ULK2: variants seen among roughly 807,000 people sequenced by gnomAD.
The protein encoded by ULK2 is unc-51 like autophagy activating kinase 2, also known as serine/threonine-protein kinase ULK2.
ULK2 carries 76 observed loss-of-function variants against 127.5 expected under a neutral mutation model. The ratio of observed to expected loss-of-function variants is 0.60; its 90% CI spans 0.50 to 0.72. ULK2 has a LOEUF of 0.72. Ranked by LOEUF, ULK2 falls within the 30% of genes least tolerant of loss-of-function variation. ULK2 has a pLI of 0.00. For missense variants in ULK2, 1,144 were observed against 1,295.9 expected, an observed-to-expected ratio of 0.88 and a Z score of 1.80; for synonymous variants, 452 against 461.9, an observed-to-expected ratio of 0.98 and a Z score of 0.28.
intron 10 of ULK2, among the ~76,000 whole-genome samples, chr17:19,832,798 G>A (rs1032510125): frequency 3.3e-5 from 5 of 152,060 alleles, no homozygotes; most frequent in Admixed American, 3.3e-4. Flanking sequence ...ACAATATTCC[G>A]CAGATTTCGT....
At chr17:19,794,625 T>C (rs2087225311) in intron 20 of ULK2, among the ~76,000 whole-genome samples, 1 of 152,108 alleles carries the variant, frequency 6.6e-6, no homozygotes, top group African/African-American at 2.4e-5. Context: ...CAGTGAAATA[T>C]TAAATCCTAC....
intron 20 of ULK2, among the ~76,000 whole-genome samples, chr17:19,787,622 T>C (rs1469740759): frequency 1.3e-5 from 2 of 152,230 alleles, no homozygotes; most frequent in South Asian, 2.1e-4. Context: ...ACTTGCTTTC[T>C]TATCTCAGCT....
chr17:19,827,157 ATT>A (rs1019187229), intron 10 of ULK2, among the ~76,000 whole-genome samples: 4 of 152,208 alleles, frequency 2.6e-5, no homozygotes. Flanking sequence ...GAAAATAGGT[ATT>A]CAGACCATTT....
intron 11 of ULK2, 23 bp from the exon 12 acceptor site, chr17:19,825,205 A>C: frequency 6.2e-7 from 1 of 1,604,642 alleles, no homozygotes; most frequent in South Asian, 1.1e-5. Flanking sequence ...ACACAAATGA[A>C]CTACATCATT....
At chr17:19,837,949 G>C (rs979769690) in intron 10 of ULK2, among the ~76,000 whole-genome samples, 2 of 151,990 alleles carry the variant, frequency 1.3e-5, no homozygotes, top group African/African-American at 4.8e-5. Flanking sequence ...CCTCTAAATG[G>C]CTCCCATCAC....
At chr17:19,812,973 C>A (rs917949001) in intron 13 of ULK2, among the ~76,000 whole-genome samples, 31 of 152,044 alleles carry the variant, frequency 2.0e-4, no homozygotes, top group African/African-American at 4.8e-5. Flanking sequence ...CTCTGAACTG[C>A]AGAACAGCAG....
In ULK2 at chr17:19,801,865, T is replaced by C. The variant is rs769131062; in HGVS notation, c.1353A>G (p.Ser451=). The change falls in exon 16 of 27, where the codon TCA becomes TCG. Residue 451 remains serine (S), a synonymous_variant. Transcript: ENST00000395544. ...TSPMGFLRPG[S]CSPVPADTAQ... ...CTGTGTCTGCTGGTACTGGGGAGCATGATCCCGGCCGGAGGAAGCCCATGG... is the reference window on the plus strand; with the variant it reads ...CTGTGTCTGCTGGTACTGGGGAGCACGATCCCGGCCGGAGGAAGCCCATGG... 9.9e-6 allele frequency: 16 copies of C among 1,614,188 alleles called. No homozygotes were observed. The highest frequency in any genetic ancestry group is 6.7e-5 in the Admixed American group (4 of 60,020).
Position 19,867,614 on chromosome 17 carries a change from C to T in ULK2, c.-197G>A. Reference sequence around the variant, plus strand: ...AGCTGCCGCGCGGAGCCAGGGTCAGCGAGGCCCGGCCCGGCCCCTGCCGCT... The same window carrying T: ...AGCTGCCGCGCGGAGCCAGGGTCAGTGAGGCCCGGCCCGGCCCCTGCCGCT... On this transcript the variant is annotated 5_prime_UTR_variant, in exon 1 of 27. Transcript: ENST00000395544. 1.4e-5 allele frequency: 4 copies of T among 286,576 alleles called. No homozygotes were observed. Among genetic ancestry groups the T allele is most frequent in the Admixed American group, 5.3e-5 (1 of 18,790 alleles). The allele number at this position is 286,576 out of a possible 1,614,324, so 17.8% of individuals were successfully genotyped here. A position where few individuals can be genotyped will look rare whatever the true frequency, so the allele number is the denominator to read the frequency against.
chr17:19,814,217 G>C (rs1463042604), intron 13 of ULK2, among the ~76,000 whole-genome samples: 3 of 151,076 alleles, frequency 2.0e-5, no homozygotes, highest in African/African-American at 7.3e-5. Context: ...ACAAAAATGA[G>C]TTACAGGTAA....
At chr17:19,862,370 C>T (rs2042260671) in intron 3 of ULK2, among the ~76,000 whole-genome samples, 2 of 152,070 alleles carry the variant, frequency 1.3e-5, no homozygotes, top group Admixed American at 1.3e-4. Context: ...GTGTGGATTA[C>T]AGGCATGAGC....
In ULK2 at chr17:19,795,732, A is replaced by G. The variant is rs1462808997; in HGVS notation, c.1998-7T>C. On this transcript the variant is annotated splice_region_variant and splice_polypyrimidine_tract_variant and intron_variant, in intron 19 of 26. Coordinates refer to ENST00000395544, the MANE Select transcript of ULK2 (RefSeq NM_014683.4). ...CTTCCCGGTACTGACAGATCTAAAA[A>G]GAATAGTGATGTTTTTAATAAAGGA... 6.2e-7 allele frequency: 1 copy of G among 1,610,584 alleles called. No homozygotes were observed. Among genetic ancestry groups the G allele is most frequent in the Admixed American group, 1.7e-5 (1 of 59,990 alleles).
intron 10 of ULK2, among the ~76,000 whole-genome samples, chr17:19,831,338 G>C (rs995798431): frequency 6.6e-6 from 1 of 151,970 alleles, no homozygotes; most frequent in Non-Finnish European, 1.5e-5. Context: ...TCTCATTCAA[G>C]ATGAGATCTG....
chr17:19,826,417 C>T (rs572105267), intron 10 of ULK2, among the ~76,000 whole-genome samples: 1 of 151,942 alleles, frequency 6.6e-6, no homozygotes, highest in East Asian at 1.9e-4. Context: ...TAAATAATTA[C>T]GAATTCTCAA....
Position 19,843,116 on chromosome 17 carries a change from C to T in ULK2, c.645+5G>A. ...ACTGAGGACATAAGAAAAAAGTCAG[C>T]CTACCTGAAAAGGTGGTTTTCCAAC... On this transcript the variant is annotated splice_donor_5th_base_variant and intron_variant, in intron 8 of 26. Transcript: ENST00000395544. 1 of 1,611,134 alleles carries T rather than the reference C, an allele frequency of 6.2e-7. No homozygotes were observed. Among genetic ancestry groups the T allele is most frequent in the South Asian group, 1.1e-5 (1 of 90,986 alleles).
Position 19,865,808 on chromosome 17 carries a change from A to G in ULK2, c.111T>C (p.Ala37=). 6.4e-7 allele frequency: 1 copy of G among 1,564,184 alleles called. No homozygotes were observed. The change falls in exon 2 of 27, where the codon GCT becomes GCC. Residue 37 remains alanine, a synonymous_variant. Transcript: ENST00000395544. ...RHRQKTDWEV[A]IKSINKKNLS... is the part of the protein sequence containing the mutation. Reference sequence around the variant, plus strand: ...AGTTCTTTTTATTAATACTTTTAATAGCTACCTCCCAATCAGTTTTCTGAA... The same window carrying G: ...AGTTCTTTTTATTAATACTTTTAATGGCTACCTCCCAATCAGTTTTCTGAA...
chr17:19,780,899 G>A (rs2086903978), intron 24 of ULK2, 87 bp downstream of exon 24: 1 of 1,263,954 alleles, frequency 7.9e-7, no homozygotes, highest in East Asian at 2.3e-5. Flanking sequence ...ACAACAGTGA[G>A]TACTCATCAG....
chr17:19,856,115 A>G (rs945327340), intron 3 of ULK2: 2 of 152,212 alleles, frequency 1.3e-5, no homozygotes, highest in African/African-American at 4.8e-5. Context: ...ATCAAAATAC[A>G]TAACAATTCC....
At chr17:19,834,591 T>A (rs796900530) in intron 10 of ULK2, among the ~76,000 whole-genome samples, 2 of 150,994 alleles carry the variant, frequency 1.3e-5, no homozygotes, top group African/African-American at 4.9e-5. Context: ...ATGAAGAGTG[T>A]CAGAAATGAT....
rs1467778986 is a variant in ULK2 at position 19,814,448 on chromosome 17, T to TGTTTGTTTG, written c.1096+2300_1096+2301insCAAACAAAC. Among the ~76,000 whole-genome samples, 35 of 8,086 alleles carry TGTTTGTTTG rather than the reference T, an allele frequency of 4.3e-3. 1 individual carries two copies. Among genetic ancestry groups the TGTTTGTTTG allele is most frequent in the Admixed American group, 6.3e-3 (5 of 800 alleles). 5.3% of individuals were successfully genotyped at this position (8,086 alleles called of 152,430 possible). A position where few individuals can be genotyped will look rare whatever the true frequency, so the allele number is the denominator to read the frequency against. On this transcript the variant is annotated intron_variant, in intron 13 of 26. Coordinates refer to ENST00000395544, the MANE Select transcript of ULK2 (RefSeq NM_014683.4). ...TATATATATATATATATTTTTTTTT[T>TGTTTGTTTG]TTTTTTTTTTTTTTTGGAGACAGGG...
Sources: gnomAD v4.1 joint callset for allele counts (sites outside exome capture counted in the v4.1 genomes callset) on GRCh38, gnomAD v4.1.1 for gene constraint, MANE v1.5 for transcripts, NCBI Gene and HGNC (gene_info 2026-07-23, HGNC 2026-07-21) for gene names.